BRIP1: variants seen among roughly 807,000 people sequenced by gnomAD.
BRIP1 encodes the protein Fanconi anemia group J protein.
A neutral mutation model predicts 119.7 loss-of-function variants in BRIP1; 88 were observed. The observed-to-expected ratio is 0.74, with a 90% CI of 0.62 to 0.88. BRIP1 has a LOEUF of 0.88. Ranked by LOEUF, BRIP1 falls within the 40% of genes least tolerant of loss-of-function variation. The pLI, the probability that BRIP1 is intolerant of heterozygous loss-of-function variation, is 0.00. For missense variants in BRIP1, 1,259 were observed against 1,455.4 expected, an observed-to-expected ratio of 0.87 and a Z score of 2.20; for synonymous variants, 443 against 496.5, an observed-to-expected ratio of 0.89 and a Z score of 1.43.
At position 61,796,358 on chromosome 17, in the gene BRIP1, T is replaced by C. The variant is rs1203957691; in HGVS notation, c.1341-2629A>G. On this transcript the variant is annotated intron_variant, in intron 9 of 19. Coordinates refer to ENST00000259008, the MANE Select transcript of BRIP1 (RefSeq NM_032043.3). The surrounding 1 kb of genome is among the most constrained non-coding windows in gnomAD (Gnocchi z 4.8). Reference sequence around the variant, plus strand: ...CCGATGTCCTGGAGAGTTTTTCCAATGTTTTCTGGTAGTAGTTTCATAGTT... The same window carrying C: ...CCGATGTCCTGGAGAGTTTTTCCAACGTTTTCTGGTAGTAGTTTCATAGTT... Among the ~76,000 whole-genome samples, 1 of 152,092 alleles carries C rather than the reference T, an allele frequency of 6.6e-6. No homozygotes were observed. The highest frequency in any genetic ancestry group is 1.5e-5 in the Non-Finnish European group (1 of 67,976).
In BRIP1 at chr17:61,753,258, T is replaced by C. The variant is rs1039436718; in HGVS notation, c.2098-8667A>G. On this transcript the variant is annotated intron_variant, in intron 14 of 19. Transcript: ENST00000259008. This position sits in a 1 kb window ranked among gnomAD's most constrained non-coding sequence, Gnocchi z 4.6. ...TCTCAGCCTCTGTAACTGCAAGAAA[T>C]AAATTCCTTTTAAAAAATAAATCAC... Among the ~76,000 whole-genome samples, 1 of 152,146 alleles carries C rather than the reference T, an allele frequency of 6.6e-6. No individual in the cohort carries two copies. Among genetic ancestry groups the C allele is most frequent in the Admixed American group, 6.5e-5 (1 of 15,274 alleles).
chr17:61,788,259 C>T (rs1196011150), intron 10 of BRIP1, among the ~76,000 whole-genome samples: 4 of 151,790 alleles, frequency 2.6e-5, no homozygotes, highest in Non-Finnish European at 5.9e-5. Context: ...CTTTAAGCTA[C>T]CCATGAATAA....
chr17:61,704,938 C>G lies in BRIP1; in HGVS notation c.2492+11013G>C, dbSNP rs2061670399. 1.3e-5 allele frequency among the ~76,000 whole-genome samples: 2 copies of G among 151,490 alleles called. No homozygotes were observed. Among genetic ancestry groups the G allele is most frequent in the Non-Finnish European group, 2.9e-5 (2 of 67,868 alleles). The stretch of plus-strand genomic sequence containing the variant: ...GAGTCTATTTTTTTCTGTTTTTCAA[C>G]TTTTATTTTATTTTAGATTCCAGGA... On this transcript the variant is annotated intron_variant, in intron 17 of 19. Coordinates refer to ENST00000259008, the MANE Select transcript of BRIP1 (RefSeq NM_032043.3). This position sits in a 1 kb window ranked among gnomAD's most constrained non-coding sequence, Gnocchi z 5.7.
chr17:61,771,746 G>A lies in BRIP1; in HGVS notation c.2097+4655C>T, dbSNP rs189446613. 5.7e-3 allele frequency among the ~76,000 whole-genome samples: 861 copies of A among 152,234 alleles called. 5 individuals are homozygous for A. Among genetic ancestry groups the A allele is most frequent in the African/African-American group, 0.02 (823 of 41,532 alleles). The stretch of plus-strand genomic sequence containing the variant: ...AGGCCGAGGCAGGCAGATCACCTGA[G>A]GTCAGGAGTTCAAGACCAGCCTGGC... On this transcript the variant is annotated intron_variant, in intron 14 of 19. Transcript: ENST00000259008.
chr17:61,854,593 G>T (rs1029227570), intron 4 of BRIP1, among the ~76,000 whole-genome samples: 1 of 150,758 alleles, frequency 6.6e-6, no homozygotes, highest in African/African-American at 2.4e-5. Context: ...TGTAATCCTA[G>T]CTACTTGGGA....
chr17:61,859,676 C>T, intron 3 of BRIP1, 120 bp downstream of exon 3: 1 of 706,148 alleles, frequency 1.4e-6, no homozygotes, highest in African/African-American at 1.8e-5. Flanking sequence ...TTCAAAGAAA[C>T]ATCTTTAAAC....
Position 61,687,813 on chromosome 17 carries a change from A to G in BRIP1, c.2576-1648T>C, listed in dbSNP as rs985091846. 1.3e-5 allele frequency among the ~76,000 whole-genome samples: 2 copies of G among 152,164 alleles called. No individual in the cohort carries two copies. Among genetic ancestry groups the G allele is most frequent in the African/African-American group, 4.8e-5 (2 of 41,432 alleles). On this transcript the variant is annotated intron_variant, in intron 18 of 19. Coordinates refer to ENST00000259008, the MANE Select transcript of BRIP1 (RefSeq NM_032043.3). This position sits in a 1 kb window ranked among gnomAD's most constrained non-coding sequence, Gnocchi z 5.1. Reference sequence around the variant, plus strand: ...CTCTTGTCATGATCCCCACTTCAGAATATACCTGGCTGCTTCTTCCTGGGG... The same window carrying G: ...CTCTTGTCATGATCCCCACTTCAGAGTATACCTGGCTGCTTCTTCCTGGGG...
In BRIP1 at chr17:61,751,439, G is replaced by A. The variant is rs892999933; in HGVS notation, c.2098-6848C>T. Reference sequence around the variant, plus strand: ...GTTGTACAACATCATGAATGTACTTGATGGCACTAAGTTGTACACTTAAAA... The same window carrying A: ...GTTGTACAACATCATGAATGTACTTAATGGCACTAAGTTGTACACTTAAAA... On this transcript the variant is annotated intron_variant, in intron 14 of 19. Coordinates refer to ENST00000259008, the MANE Select transcript of BRIP1 (RefSeq NM_032043.3). The surrounding 1 kb of genome is among the most constrained non-coding windows in gnomAD (Gnocchi z 6.7). 2.0e-5 allele frequency among the ~76,000 whole-genome samples: 3 copies of A among 152,064 alleles called. No homozygotes were observed. The highest frequency in any genetic ancestry group is 6.5e-5 in the Admixed American group (1 of 15,272).
rs45566938 is a variant in BRIP1 at position 61,861,504 on chromosome 17, C to G, written c.36G>C (p.Gly12=). The G allele has an allele frequency of 8.7e-6, 14 of 1,613,150 alleles. No homozygotes were observed. Among genetic ancestry groups the G allele is most frequent in the Non-Finnish European group, 1.1e-5 (13 of 1,179,376 alleles). ...CTTTATAAGGAAAGTAAATCTTCAC[C>G]CCACCAATTGTATATTCAGACCACA... The part of the protein sequence containing the change: ...SSMWSEYTIG[G]VKIYFPYKAY... The change falls in exon 2 of 20, where the codon GGG becomes GGC. Residue 12 remains glycine (G), a synonymous_variant. Coordinates refer to ENST00000259008, the MANE Select transcript of BRIP1 (RefSeq NM_032043.3). The surrounding 1 kb of genome is among the most constrained non-coding windows in gnomAD (Gnocchi z 4.5).
rs140043218 is a variant in BRIP1 at position 61,762,283 on chromosome 17, A to G, written c.2097+14118T>C. ...TAAAGATTTAAACCCAAGAACTGAAACTGTAAAACTACTAGAAGAAAACAG... is the reference window on the plus strand; with the variant it reads ...TAAAGATTTAAACCCAAGAACTGAAGCTGTAAAACTACTAGAAGAAAACAG... On this transcript the variant is annotated intron_variant, in intron 14 of 19. Transcript: ENST00000259008. This position sits in a 1 kb window ranked among gnomAD's most constrained non-coding sequence, Gnocchi z 4.3. Among the ~76,000 whole-genome samples, 1 of 152,102 alleles carries G rather than the reference A, an allele frequency of 6.6e-6. No individual in the cohort carries two copies.
In BRIP1 at chr17:61,753,441, G is replaced by A. The variant is rs180691061; in HGVS notation, c.2098-8850C>T. On this transcript the variant is annotated intron_variant, in intron 14 of 19. Transcript: ENST00000259008. This position sits in a 1 kb window ranked among gnomAD's most constrained non-coding sequence, Gnocchi z 4.6. ...ATGGAAATGTTGATATGGCAGTTGG[G>A]TATATGGGCATAGTACTTAAGGAAG... Among the ~76,000 whole-genome samples the A allele has an allele frequency of 5.7e-3, 864 of 152,184 alleles. 5 individuals carry two copies. The highest frequency in any genetic ancestry group is 0.02 in the African/African-American group (826 of 41,522).
intron 6 of BRIP1, among the ~76,000 whole-genome samples, chr17:61,839,595 G>C (rs2078628138): frequency 6.6e-6 from 1 of 151,964 alleles, no homozygotes; most frequent in Non-Finnish European, 1.5e-5. Flanking sequence ...ACATCTTCTT[G>C]CAAACAAAAA....
intron 6 of BRIP1, among the ~76,000 whole-genome samples, chr17:61,820,837 C>A (rs1303136751): frequency 6.6e-6 from 1 of 151,946 alleles, no homozygotes; most frequent in South Asian, 2.1e-4. Flanking sequence ...GTAATCCCAA[C>A]TACTCGGGAG....
chr17:61,747,155 C>T (rs1430721304), intron 14 of BRIP1, among the ~76,000 whole-genome samples: 1 of 151,826 alleles, frequency 6.6e-6, no homozygotes, highest in Non-Finnish European at 1.5e-5. Flanking sequence ...AAAACCACAA[C>T]ATACCACAAG....
chr17:61,821,301 A>G, intron 6 of BRIP1, among the ~76,000 whole-genome samples: 1 of 152,148 alleles, frequency 6.6e-6, no homozygotes, highest in East Asian at 1.9e-4. Flanking sequence ...TGTGGGAAGG[A>G]GAGGTACTTT....
Position 61,684,820 on chromosome 17 carries a change from C to G in BRIP1, c.2906-680G>C, listed in dbSNP as rs1038345641. The G allele has an allele frequency of 6.6e-6, 1 of 152,026 alleles. No homozygotes were observed. Among genetic ancestry groups the G allele is most frequent in the African/African-American group, 2.4e-5 (1 of 41,358 alleles). 9.4% of individuals were successfully genotyped at this position (152,026 alleles called of 1,614,324 possible). On this transcript the variant is annotated intron_variant, in intron 19 of 19. Coordinates refer to ENST00000259008, the MANE Select transcript of BRIP1 (RefSeq NM_032043.3). This position sits in a 1 kb window ranked among gnomAD's most constrained non-coding sequence, Gnocchi z 4.5. Reference sequence around the variant, plus strand: ...CCAGGCTGGAGTGCAATGGCGCAATCCTGGCTCACTGCAACCTCCACCTCC... The same window carrying G: ...CCAGGCTGGAGTGCAATGGCGCAATGCTGGCTCACTGCAACCTCCACCTCC...
rs1603296481 is a variant in BRIP1, at chr17:61,722,695, G to A, written c.2380-6632C>T. On this transcript the variant is annotated intron_variant, in intron 16 of 19. Coordinates refer to ENST00000259008, the MANE Select transcript of BRIP1 (RefSeq NM_032043.3). This position sits in a 1 kb window ranked among gnomAD's most constrained non-coding sequence, Gnocchi z 4.6. ...TGTTCCGAAGACAACAGTTGCTCTAGGACGTATTAGTTATAAATGGAATAT... is the reference window on the plus strand; with the variant it reads ...TGTTCCGAAGACAACAGTTGCTCTAAGACGTATTAGTTATAAATGGAATAT... Among the ~76,000 whole-genome samples the A allele has an allele frequency of 6.6e-6, 1 of 152,132 alleles. No homozygotes were observed.
rs1278103815 is a variant in BRIP1 at position 61,762,101 on chromosome 17, T to C, written c.2097+14300A>G. 6.6e-6 allele frequency among the ~76,000 whole-genome samples: 1 copy of C among 151,884 alleles called. No individual in the cohort carries two copies. The highest frequency in any genetic ancestry group is 1.5e-5 in the Non-Finnish European group (1 of 67,950). On this transcript the variant is annotated intron_variant, in intron 14 of 19. Transcript: ENST00000259008. This position sits in a 1 kb window ranked among gnomAD's most constrained non-coding sequence, Gnocchi z 4.3. The stretch of plus-strand genomic sequence containing the variant: ...AACAAAGAGCACAGAAAGAAACCCA[T>C]GTATGTGCTCAACTGATTTTCAACA...
At chr17:61,715,257 C>T (rs545625281) in intron 17 of BRIP1, among the ~76,000 whole-genome samples, 1 of 151,484 alleles carries the variant, frequency 6.6e-6, no homozygotes, top group East Asian at 1.9e-4. Flanking sequence ...TATTAAATAT[C>T]CTTCAGTTTC....
Sources: gnomAD v4.1 joint callset for allele counts (sites outside exome capture counted in the v4.1 genomes callset) on GRCh38, gnomAD v4.1.1 for gene constraint, Gnocchi (gnomAD v3.1) non-coding constraint, MANE v1.5 for transcripts, NCBI Gene and HGNC (gene_info 2026-07-23, HGNC 2026-07-21) for gene names.